Variants in PPARGC1A observed in about 807,000 individuals in gnomAD.
PPARGC1A encodes PPARG coactivator 1 alpha, also known as peroxisome proliferator-activated receptor gamma coactivator 1-alpha.
PPARGC1A carries 25 observed loss-of-function variants against 88.7 expected under a neutral mutation model. That is an observed-to-expected ratio of 0.28 (90% CI 0.21 to 0.39). PPARGC1A has a LOEUF of 0.39. PPARGC1A is among the 10% of genes least tolerant of loss of function. PPARGC1A has a pLI of 1.00. For missense variants in PPARGC1A, 880 were observed against 968.7 expected (o/e 0.91, Z 1.22); for synonymous variants, 363 against 355.6 (o/e 1.02, Z -0.24).
chr4:23,856,584 T>C (rs775915670), intron 2 of PPARGC1A, among the ~76,000 whole-genome samples: 1 of 152,216 alleles, frequency 6.6e-6, no homozygotes, highest in Non-Finnish European at 1.5e-5. Flanking sequence ...ACTCAGCAAG[T>C]AGCTTAGTCA....
intron 2 of PPARGC1A, among the ~76,000 whole-genome samples, chr4:23,842,858 A>G (rs1469605302): frequency 6.6e-6 from 1 of 152,156 alleles, no homozygotes; most frequent in Non-Finnish European, 1.5e-5. Flanking sequence ...GTGTAAATCA[A>G]GTTGAAATGT....
At chr4:24,003,221 A>G in the PPARGC1A span, among the ~76,000 whole-genome samples, 1 of 152,280 alleles carries the variant, frequency 6.6e-6, no homozygotes, top group African/African-American at 2.4e-5. Context: ...CACATCCTCT[A>G]ATCCAGAGTG....
At chr4:23,897,796 T>C (rs994200874) in intron 1 of PPARGC1A, among the ~76,000 whole-genome samples, 4 of 152,236 alleles carry the variant, frequency 2.6e-5, no homozygotes, top group Admixed American at 1.3e-4. Flanking sequence ...ATCAGCTTCT[T>C]AGAGACCAGC....
intron 2 of PPARGC1A, among the ~76,000 whole-genome samples, chr4:23,846,723 A>C (rs1013616815): frequency 2.6e-5 from 4 of 152,156 alleles, no homozygotes; most frequent in African/African-American, 9.7e-5. Context: ...ATAATTAAAA[A>C]TTCCTGCCTT....
chr4:24,335,245 G>C, the PPARGC1A span, among the ~76,000 whole-genome samples: 6 of 152,184 alleles, frequency 3.9e-5, no homozygotes, highest in Non-Finnish European at 8.8e-5. Context: ...GCATGTCATT[G>C]AGTCTTTATA....
chr4:23,864,899 A>G (rs937301380), intron 2 of PPARGC1A, among the ~76,000 whole-genome samples: 1 of 152,122 alleles, frequency 6.6e-6, no homozygotes, highest in African/African-American at 2.4e-5. Context: ...AAGAGGCACC[A>G]CTGGCCAGGC....
the PPARGC1A span, among the ~76,000 whole-genome samples, chr4:24,158,997 C>CT: frequency 6.6e-6 from 1 of 152,044 alleles, no homozygotes; most frequent in Non-Finnish European, 1.5e-5. Context: ...ACAGCAGTTT[C>CT]TTAGTGGTAT....
chr4:24,260,824 C>G, the PPARGC1A span, among the ~76,000 whole-genome samples: 1 of 152,168 alleles, frequency 6.6e-6, no homozygotes, highest in East Asian at 1.9e-4. Context: ...TTTTAAATTG[C>G]CTACCTGACA....
chr4:24,063,774 C>T, the PPARGC1A span, among the ~76,000 whole-genome samples: 1 of 152,174 alleles, frequency 6.6e-6, no homozygotes, highest in African/African-American at 2.4e-5. Flanking sequence ...CAGTCACCTG[C>T]AAGTCTGCTG....
At chr4:24,470,414 G>A in the PPARGC1A span, among the ~76,000 whole-genome samples, 1 of 152,004 alleles carries the variant, frequency 6.6e-6, no homozygotes, top group African/African-American at 2.4e-5. The surrounding 1 kb of genome is among the most constrained non-coding windows in gnomAD (Gnocchi z 5.8). Flanking sequence ...GGCAATCCTG[G>A]GCGGATGCAA....
the PPARGC1A span, among the ~76,000 whole-genome samples, chr4:24,262,033 A>C: frequency 6.6e-6 from 1 of 152,176 alleles, no homozygotes; most frequent in Admixed American, 6.5e-5. Flanking sequence ...TCTCTGGGGC[A>C]AGCAGTTTAA....
chr4:24,368,625 C>A, the PPARGC1A span, among the ~76,000 whole-genome samples: 1 of 152,114 alleles, frequency 6.6e-6, no homozygotes, highest in East Asian at 1.9e-4. Flanking sequence ...TTATTCTATA[C>A]ATTTGTACCA....
chr4:24,119,128 G>A, the PPARGC1A span, among the ~76,000 whole-genome samples: 1 of 152,064 alleles, frequency 6.6e-6, no homozygotes, highest in Non-Finnish European at 1.5e-5. Flanking sequence ...CTTTCCTTAC[G>A]CAGTGAGGGA....
the PPARGC1A span, among the ~76,000 whole-genome samples, chr4:24,470,277 GACACACACAC>G: frequency 4.6e-3 from 506 of 110,734 alleles, 7 homozygotes; most frequent in African/African-American, 0.014. The surrounding 1 kb of genome is among the most constrained non-coding windows in gnomAD (Gnocchi z 5.8). Flanking sequence ...GACAGACACA[GACACACACAC>G]ACACACACAC....
the PPARGC1A span, among the ~76,000 whole-genome samples, chr4:24,127,804 T>C: frequency 6.6e-6 from 1 of 151,982 alleles, no homozygotes; most frequent in Non-Finnish European, 1.5e-5. Flanking sequence ...GCTAGTACAT[T>C]AGTACATCAG....
intron 10 of PPARGC1A, among the ~76,000 whole-genome samples, chr4:23,805,538 C>G (rs374493208): frequency 6.6e-6 from 1 of 152,110 alleles, no homozygotes; most frequent in Non-Finnish European, 1.5e-5. Context: ...TTCAGAGCAC[C>G]GAGCACATCC....
chr4:24,421,579 G>T, the PPARGC1A span, among the ~76,000 whole-genome samples: 1 of 152,088 alleles, frequency 6.6e-6, no homozygotes, highest in Non-Finnish European at 1.5e-5. Context: ...CCAAAGTGCT[G>T]GGATTACAGG....
At chr4:23,871,137 C>T (rs1304339554) in intron 2 of PPARGC1A, among the ~76,000 whole-genome samples, 3 of 152,132 alleles carry the variant, frequency 2.0e-5, no homozygotes, top group African/African-American at 7.2e-5. Flanking sequence ...TTGTAACCTC[C>T]AAATGTATCG....
the PPARGC1A span, among the ~76,000 whole-genome samples, chr4:24,220,130 T>A: frequency 6.6e-6 from 1 of 152,120 alleles, no homozygotes; most frequent in Admixed American, 6.6e-5. Context: ...AAATGCTCAA[T>A]ATTACTAACC....
Sources: allele counts gnomAD v4.1 joint callset (sites outside exome capture counted in the v4.1 genomes callset), GRCh38; gene constraint gnomAD v4.1.1; non-coding constraint Gnocchi (gnomAD v3.1); transcripts MANE v1.5; gene names NCBI Gene and HGNC (gene_info 2026-07-23, HGNC 2026-07-21).